The following EYS variants were observed in gnomAD, a reference collection of about 807,000 sequenced individuals.
The protein encoded by EYS is EGF-like photoreceptor maintenance factor.
EYS carries 250 observed loss-of-function variants against 282.1 expected under a neutral mutation model. The ratio of observed to expected loss-of-function variants is 0.89; its 90% CI spans 0.80 to 0.98. The LOEUF (loss-of-function observed/expected upper bound fraction) is 0.98, where lower values mean the gene tolerates loss of function less well. EYS is among the 50% of genes least tolerant of loss of function. EYS has a pLI of 0.00. For missense variants in EYS, 4,016 were observed against 3,709.0 expected (o/e 1.08, Z -2.15); for synonymous variants, 1,355 against 1,282.9 (o/e 1.06, Z -1.20).
chr6:64,384,660 G>A (rs921316320), intron 29 of EYS, among the ~76,000 whole-genome samples: 7 of 152,194 alleles, frequency 4.6e-5, no homozygotes, highest in Non-Finnish European at 1.0e-4. Flanking sequence ...TCCATGCACT[G>A]AAAAGTGTAA....
chr6:64,284,121 C>T (rs766897501), intron 30 of EYS, among the ~76,000 whole-genome samples: 5 of 152,176 alleles, frequency 3.3e-5, no homozygotes, highest in Admixed American at 2.0e-4. Context: ...ACCCAAAAGT[C>T]CACAGTCGAA....
At chr6:64,880,970 A>G (rs1198967547) in intron 19 of EYS, among the ~76,000 whole-genome samples, 1 of 151,356 alleles carries the variant, frequency 6.6e-6, no homozygotes, top group African/African-American at 2.4e-5. Flanking sequence ...GCTTTCTGTC[A>G]GAACTTTGAG....
intron 2 of EYS, among the ~76,000 whole-genome samples, chr6:65,560,075 A>G (rs1241759913): frequency 6.7e-6 from 1 of 149,840 alleles, no homozygotes; most frequent in Non-Finnish European, 1.5e-5. Flanking sequence ...ATCCTATATT[A>G]TATCTATTAC....
intron 35 of EYS, among the ~76,000 whole-genome samples, chr6:63,935,456 A>G (rs1765031247): frequency 6.6e-6 from 1 of 152,238 alleles, no homozygotes; most frequent in Non-Finnish European, 1.5e-5. Context: ...ATAGGGCCTT[A>G]CAGAGGTGAT....
intron 31 of EYS, among the ~76,000 whole-genome samples, chr6:64,094,938 A>G (rs1330635654): frequency 2.0e-5 from 3 of 151,978 alleles, no homozygotes; most frequent in Non-Finnish European, 4.4e-5. Flanking sequence ...TGTCCCAGAG[A>G]TTCTGGTATG....
chr6:64,423,006 G>A (rs1774286629), intron 28 of EYS, among the ~76,000 whole-genome samples: 1 of 151,752 alleles, frequency 6.6e-6, no homozygotes, highest in Non-Finnish European at 1.5e-5. Context: ...AGATAATTTT[G>A]TTTTGAAAAT....
chr6:65,418,749 T>C (rs1189091637), intron 5 of EYS, among the ~76,000 whole-genome samples: 1 of 151,890 alleles, frequency 6.6e-6, no homozygotes, highest in Non-Finnish European at 1.5e-5. Flanking sequence ...GATGGGTCAA[T>C]AGGTGCAGCA....
intron 11 of EYS, among the ~76,000 whole-genome samples, chr6:65,311,084 A>C (rs572695172): frequency 1.0e-3 from 153 of 152,250 alleles, no homozygotes; most frequent in Non-Finnish European, 1.7e-3. Flanking sequence ...GGAGGGAATA[A>C]AAGAAAATAA....
At chr6:64,602,172 A>G (rs1299350049) in intron 24 of EYS, among the ~76,000 whole-genome samples, 1 of 152,036 alleles carries the variant, frequency 6.6e-6, no homozygotes, top group Non-Finnish European at 1.5e-5. Context: ...GTCACTAGGT[A>G]GAAGCCTATC....
At chr6:64,690,352 A>G (rs1770333615) in intron 22 of EYS, among the ~76,000 whole-genome samples, 1 of 152,186 alleles carries the variant, frequency 6.6e-6, no homozygotes, top group African/African-American at 2.4e-5. Context: ...GGATGTCGAG[A>G]AATTGGAACG....
At chr6:65,109,573 C>A (rs568627417) in intron 12 of EYS, among the ~76,000 whole-genome samples, 2 of 151,678 alleles carry the variant, frequency 1.3e-5, no homozygotes, top group African/African-American at 2.4e-5. Context: ...GAGAGCCCCC[C>A]CTTTGGCTCT....
At chr6:64,940,017 T>C (rs761191101) in intron 15 of EYS, among the ~76,000 whole-genome samples, 10 of 151,992 alleles carry the variant, frequency 6.6e-5, no homozygotes, top group South Asian at 2.1e-4. Context: ...TTTGAAAACA[T>C]TGGCTTTCAC....
At chr6:65,153,405 G>GTGTC (rs1554161418) in intron 12 of EYS, among the ~76,000 whole-genome samples, 5 of 145,910 alleles carry the variant, frequency 3.4e-5, no homozygotes, top group African/African-American at 1.3e-4. Flanking sequence ...GTGTGTGTGT[G>GTGTC]TGTGTGTGTT....
intron 22 of EYS, among the ~76,000 whole-genome samples, chr6:64,735,466 C>A (rs2149956072): frequency 6.6e-6 from 1 of 152,116 alleles, no homozygotes; most frequent in Non-Finnish European, 1.5e-5. Context: ...CTGAAAATTG[C>A]ATGAATATAC....
intron 5 of EYS, among the ~76,000 whole-genome samples, chr6:65,467,271 T>G (rs1765037181): frequency 6.6e-6 from 1 of 152,130 alleles, no homozygotes; most frequent in East Asian, 1.9e-4. Flanking sequence ...AATTGGAAGA[T>G]AAGTTAGTTA....
At chr6:64,134,141 A>G (rs1480111418) in intron 31 of EYS, among the ~76,000 whole-genome samples, 2 of 152,096 alleles carry the variant, frequency 1.3e-5, no homozygotes, top group Non-Finnish European at 1.5e-5. Context: ...GATCAGGGTC[A>G]TCTTGGGCTT....
intron 22 of EYS, among the ~76,000 whole-genome samples, chr6:64,689,463 A>G (rs1269404891): frequency 0.012 from 2 of 168 alleles, no homozygotes; most frequent in Non-Finnish European, 0.1. Flanking sequence ...CAGAACTGGA[A>G]AAAAAAAAAC....
chr6:65,010,032 A>T (rs545847966), intron 13 of EYS, among the ~76,000 whole-genome samples: 9 of 152,182 alleles, frequency 5.9e-5, no homozygotes, highest in Non-Finnish European at 1.2e-4. Context: ...TGGACACCTG[A>T]ATCAGAAGTG....
At chr6:65,101,429 A>C (rs565612264) in intron 12 of EYS, among the ~76,000 whole-genome samples, 4 of 151,348 alleles carry the variant, frequency 2.6e-5, no homozygotes, top group African/African-American at 9.7e-5. Context: ...TCAGCTTTTC[A>C]TTCTAAATTT....
Sources: allele counts gnomAD v4.1 joint callset (sites outside exome capture counted in the v4.1 genomes callset), GRCh38; gene constraint gnomAD v4.1.1; transcripts MANE v1.5; gene names NCBI Gene and HGNC (gene_info 2026-07-23, HGNC 2026-07-21).